PLB1: variants seen among roughly 807,000 people sequenced by gnomAD.
PLB1 encodes the protein phospholipase B1.
A neutral mutation model predicts 227.4 loss-of-function variants in PLB1; 242 were observed. That is an observed-to-expected ratio of 1.06 (90% CI 0.96 to 1.18). The LOEUF is 1.18. PLB1 is among the 50% of genes most tolerant of loss of function. The pLI is 0.00. For synonymous variants in PLB1, 757 were observed against 682.2 expected, an observed-to-expected ratio of 1.11 and a Z score of -1.71; for missense variants, 1,858 against 1,816.3, an observed-to-expected ratio of 1.02 and a Z score of -0.42.
At chr2:28,625,008 C>A in intron 49 of PLB1, 49 bp from the exon 50 acceptor site, 1 of 1,570,308 alleles carries the variant, frequency 6.4e-7, no homozygotes, top group Non-Finnish European at 8.8e-7. Context: ...TGTCGTGAGT[C>A]CTCGCTCCTG....
chr2:28,612,769 ATTTTT>A (rs10557060), intron 43 of PLB1, among the ~76,000 whole-genome samples: 9 of 124,922 alleles, frequency 7.2e-5, no homozygotes, highest in East Asian at 2.6e-4. Flanking sequence ...CCACACCTGG[ATTTTT>A]TTTTTTTTTT....
chr2:28,601,768 A>T (rs551484195), intron 37 of PLB1, 131 bp from the exon 38 acceptor site: 5 of 763,572 alleles, frequency 6.5e-6, no homozygotes, highest in South Asian at 5.9e-5. Flanking sequence ...TGACATGGTG[A>T]GCTGGCCACA....
chr2:28,591,915 T>G (rs1037020951), intron 31 of PLB1, among the ~76,000 whole-genome samples, 155 bp downstream of exon 31: 2 of 152,190 alleles, frequency 1.3e-5, no homozygotes, highest in East Asian at 1.9e-4. Context: ...AGTCCCTGTT[T>G]CGCACCACTC....
chr2:28,529,452 G>A (rs1670715333), intron 7 of PLB1, 45 bp downstream of exon 7: 1 of 1,450,104 alleles, frequency 6.9e-7, no homozygotes, highest in South Asian at 1.1e-5. Flanking sequence ...TGTTCCTACT[G>A]GTCTTCAACA....
At chr2:28,512,859 C>T (rs1238302488) in intron 1 of PLB1, among the ~76,000 whole-genome samples, 1 of 152,138 alleles carries the variant, frequency 6.6e-6, no homozygotes, top group African/African-American at 2.4e-5. Context: ...GTAGCCAATT[C>T]TTAAGTCTCT....
intron 53 of PLB1, among the ~76,000 whole-genome samples, 190 bp downstream of exon 53, chr2:28,629,375 T>C (rs527338813): frequency 7.2e-5 from 11 of 152,296 alleles, no homozygotes; most frequent in African/African-American, 2.4e-4. Flanking sequence ...AGGTGCCTCA[T>C]TTCTCTGGAC....
At chr2:28,565,653 C>T (rs1331329531) in intron 19 of PLB1, among the ~76,000 whole-genome samples, 2 of 152,174 alleles carry the variant, frequency 1.3e-5, no homozygotes, top group African/African-American at 4.8e-5. Flanking sequence ...CAGAAGGAGG[C>T]AGTGGCCTGA....
chr2:28,575,106 G>A (rs541461294), intron 21 of PLB1, among the ~76,000 whole-genome samples: 17 of 152,294 alleles, frequency 1.1e-4, no homozygotes, highest in East Asian at 7.7e-4. Flanking sequence ...TTTCCATGGC[G>A]GTTGTACTAG....
intron 54 of PLB1, 52 bp from the exon 55 acceptor site, chr2:28,631,984 T>C: frequency 6.7e-7 from 1 of 1,483,892 alleles, no homozygotes; most frequent in South Asian, 1.1e-5. Flanking sequence ...GACTGGACCC[T>C]GTCTGTGCAG....
chr2:28,501,963 G>A (rs1356255172), intron 1 of PLB1, among the ~76,000 whole-genome samples: 1 of 152,104 alleles, frequency 6.6e-6, no homozygotes, highest in African/African-American at 2.4e-5. Context: ...CTTATGCTAG[G>A]CTATACATCT....
chr2:28,605,384 T>C (rs919748305), intron 41 of PLB1, among the ~76,000 whole-genome samples: 38 of 152,090 alleles, frequency 2.5e-4, no homozygotes, highest in African/African-American at 8.4e-4. Context: ...CCCCAGCACC[T>C]CCAGATGAAG....
chr2:28,605,723 G>T, intron 41 of PLB1, 130 bp from the exon 42 acceptor site: 1 of 695,870 alleles, frequency 1.4e-6, no homozygotes, highest in Admixed American at 2.2e-5. Flanking sequence ...AATGGGCCCT[G>T]TGGTGGCTGG....
intron 1 of PLB1, among the ~76,000 whole-genome samples, chr2:28,511,788 C>CTTTTTTTTTTTTTTTTTTTTTT (rs59137589): frequency 7.5e-6 from 1 of 132,672 alleles, no homozygotes; most frequent in African/African-American, 2.8e-5. Flanking sequence ...GCCATTTTAT[C>CTTTTTTTTTTTTTTTTTTTTTT]TTTTTTTTTT....
At chr2:28,640,156 G>C (rs1348277124) in intron 56 of PLB1, among the ~76,000 whole-genome samples, 2 of 152,222 alleles carry the variant, frequency 1.3e-5, no homozygotes, top group Non-Finnish European at 2.9e-5. Flanking sequence ...CTGTGGTCAG[G>C]AGCAGGCAGA....
chr2:28,568,154 T>C (rs1677368681), intron 20 of PLB1, among the ~76,000 whole-genome samples: 2 of 152,194 alleles, frequency 1.3e-5, no homozygotes, highest in South Asian at 4.1e-4. Flanking sequence ...CTCCCTGCCT[T>C]CTTTATATCT....
At position 28,541,278 on chromosome 2, in the gene PLB1, G is replaced by A. The variant is rs1672448391; in HGVS notation, c.775-429G>A. Among the ~76,000 whole-genome samples the A allele has an allele frequency of 2.0e-5, 3 of 152,254 alleles. No homozygotes were observed. In the South Asian group the frequency reaches 6.2e-4, roughly 31 times the overall value. The stretch of plus-strand genomic sequence containing the variant: ...CTCAAAGCACGGTTTCTGTTAGCAT[G>A]TGTTAACATGATGACTTTTGCTTAT... On this transcript the variant is annotated intron_variant, in intron 12 of 57. Coordinates refer to ENST00000327757, the MANE Select transcript of PLB1 (RefSeq NM_153021.5).
chr2:28,510,713 T>A (rs764624769), intron 1 of PLB1, among the ~76,000 whole-genome samples: 11 of 135,572 alleles, frequency 8.1e-5, no homozygotes, highest in Non-Finnish European at 1.5e-4. Context: ...AACCTCAAAC[T>A]CCTGGGCTCA....
At chr2:28,620,425 GGGTCCCCA>G in intron 47 of PLB1, 93 bp downstream of exon 47, 1 of 1,377,822 alleles carries the variant, frequency 7.3e-7, no homozygotes, top group South Asian at 1.4e-5. Context: ...GGATGCAGTT[GGGTCCCCA>G]GGTCCCAGCG....
chr2:28,559,455 G>A (rs908495353), intron 17 of PLB1, among the ~76,000 whole-genome samples: 4 of 152,236 alleles, frequency 2.6e-5, no homozygotes, highest in African/African-American at 9.6e-5. Context: ...TTCATAGGAA[G>A]AGGCAAGAAC....
Sources: allele counts gnomAD v4.1 joint callset (sites outside exome capture counted in the v4.1 genomes callset), GRCh38; gene constraint gnomAD v4.1.1; transcripts MANE v1.5; gene names NCBI Gene and HGNC (gene_info 2026-07-23, HGNC 2026-07-21).